EPB41L4A: variants seen among roughly 807,000 people sequenced by gnomAD.
The protein encoded by EPB41L4A is erythrocyte membrane protein band 4.1 like 4A.
In EPB41L4A, 100 loss-of-function variants were observed where a neutral mutation model predicts 108.6. That is an observed-to-expected ratio of 0.92 (90% CI 0.78 to 1.09). The LOEUF is 1.09. Among genes scored for constraint, EPB41L4A ranks in the 50% least tolerant of loss-of-function variants. The pLI, the probability that EPB41L4A is intolerant of heterozygous loss-of-function variation, is 0.00. For synonymous variants in EPB41L4A, 319 were observed against 289.0 expected (o/e 1.10, Z -1.05); for missense variants, 1,030 against 842.7 (o/e 1.22, Z -2.75).
rs1561585385 is a variant in EPB41L4A, at chr5:112,339,511, G to GATATATATATCTATATCTATATCT, written c.100-32022_100-32021insAGATATAGATATAGATATATATAT. Among the ~76,000 whole-genome samples, 9 of 55,186 alleles carry GATATATATATCTATATCTATATCT rather than the reference G, an allele frequency of 1.6e-4. No individual in the cohort carries two copies. In the South Asian group the frequency reaches 0.011, roughly 69 times the overall value. The allele number at this position is 55,186 out of a possible 152,430, so 36.2% of individuals were successfully genotyped here. On this transcript the variant is annotated intron_variant, in intron 1 of 22. Transcript: ENST00000261486. ...ATATATATATCTATATATATATATAGATATATAGATATATATCTATATATA... is the reference window on the plus strand; with the variant it reads ...ATATATATATCTATATATATATATAGATATATATATCTATATCTATATCTATATATAGATATATATCTATATATA...
intron 2 of EPB41L4A, among the ~76,000 whole-genome samples, chr5:112,300,578 G>C (rs1373350020): frequency 6.6e-6 from 1 of 152,086 alleles, no homozygotes; most frequent in Non-Finnish European, 1.5e-5. Context: ...CAGCTACTAA[G>C]ATTCTTTCCC....
At chr5:112,368,759 T>C (rs1759302411) in intron 1 of EPB41L4A, among the ~76,000 whole-genome samples, 1 of 152,146 alleles carries the variant, frequency 6.6e-6, no homozygotes, top group South Asian at 2.1e-4. Flanking sequence ...GCTATTTGCT[T>C]TTCTGGTTCT....
intron 1 of EPB41L4A, among the ~76,000 whole-genome samples, chr5:112,388,987 G>A (rs1054713813): frequency 1.3e-5 from 2 of 152,110 alleles, no homozygotes; most frequent in African/African-American, 4.8e-5. Flanking sequence ...CTCTAAAGCA[G>A]TTGGTTCTTA....
intron 2 of EPB41L4A, among the ~76,000 whole-genome samples, chr5:112,304,965 T>C (rs1754594364): frequency 6.6e-6 from 1 of 152,166 alleles, no homozygotes; most frequent in South Asian, 2.1e-4. Flanking sequence ...CCATTTATAG[T>C]AACTTCTGAA....
intron 2 of EPB41L4A, among the ~76,000 whole-genome samples, chr5:112,282,520 T>C (rs1753030443): frequency 6.6e-6 from 1 of 152,156 alleles, no homozygotes; most frequent in Admixed American, 6.5e-5. Flanking sequence ...GTGTCTTTCT[T>C]TGCTTCAAAT....
chr5:112,313,463 C>T (rs552520101), intron 1 of EPB41L4A, among the ~76,000 whole-genome samples: 5 of 152,202 alleles, frequency 3.3e-5, no homozygotes, highest in South Asian at 4.1e-4. Context: ...TAGTGGCGCG[C>T]GCCTGTAATC....
chr5:112,374,141 G>A (rs1759662387), intron 1 of EPB41L4A, among the ~76,000 whole-genome samples: 1 of 152,194 alleles, frequency 6.6e-6, no homozygotes, highest in African/African-American at 2.4e-5. Context: ...TCAAATGTCA[G>A]AGGCATCCCC....
intron 15 of EPB41L4A, 70 bp from the exon 16 acceptor site, chr5:112,195,778 T>C (rs1471659677): frequency 7.4e-7 from 1 of 1,346,078 alleles, no homozygotes; most frequent in Non-Finnish European, 1.1e-6. Flanking sequence ...CACACCAAAA[T>C]GAGTTTCACT....
At chr5:112,151,802 CTCA>C (rs1263265780) in intron 12 of EPB41L4A, among the ~76,000 whole-genome samples, 3 of 152,004 alleles carry the variant, frequency 2.0e-5, no homozygotes, top group Non-Finnish European at 4.4e-5. Flanking sequence ...ACGATCTCAG[CTCA>C]CTGCAACCTC....
At chr5:112,371,267 T>C (rs1267614096) in intron 1 of EPB41L4A, among the ~76,000 whole-genome samples, 1 of 152,204 alleles carries the variant, frequency 6.6e-6, no homozygotes, top group African/African-American at 2.4e-5. Flanking sequence ...TTAAATATCA[T>C]TATTTACAAA....
chr5:112,364,295 G>C (rs1415506569), intron 1 of EPB41L4A, among the ~76,000 whole-genome samples: 1 of 152,108 alleles, frequency 6.6e-6, no homozygotes, highest in South Asian at 2.1e-4. Flanking sequence ...CTAAGTGCTG[G>C]GATTATAGAC....
At chr5:112,374,494 G>T (rs1346569147) in intron 1 of EPB41L4A, among the ~76,000 whole-genome samples, 1 of 152,126 alleles carries the variant, frequency 6.6e-6, no homozygotes, top group Non-Finnish European at 1.5e-5. Flanking sequence ...AAACACTCTG[G>T]CCCAATCACC....
intron 1 of EPB41L4A, among the ~76,000 whole-genome samples, chr5:112,359,139 T>A (rs561485775): frequency 6.6e-6 from 1 of 152,336 alleles, no homozygotes; most frequent in Non-Finnish European, 1.5e-5. Flanking sequence ...ATGTAAAAAC[T>A]CATTCAGCTA....
At chr5:112,211,786 A>G (rs1762757614) in intron 12 of EPB41L4A, among the ~76,000 whole-genome samples, 1 of 152,186 alleles carries the variant, frequency 6.6e-6, no homozygotes. Flanking sequence ...TTAGACAGAG[A>G]AAACAAAGGG....
intron 1 of EPB41L4A, among the ~76,000 whole-genome samples, chr5:112,317,016 G>C (rs927488997): frequency 1.3e-5 from 2 of 152,200 alleles, no homozygotes; most frequent in African/African-American, 4.8e-5. Context: ...CATCAGTCTT[G>C]CTACACTCTA....
intron 12 of EPB41L4A, among the ~76,000 whole-genome samples, chr5:112,227,736 G>A (rs951168445): frequency 6.6e-6 from 1 of 152,214 alleles, no homozygotes; most frequent in African/African-American, 2.4e-5. Flanking sequence ...GTGCCAATCA[G>A]AGGAAGTGTT....
intron 1 of EPB41L4A, among the ~76,000 whole-genome samples, chr5:112,393,479 T>C (rs920188597): frequency 3.3e-5 from 5 of 152,210 alleles, no homozygotes; most frequent in Admixed American, 2.6e-4. Flanking sequence ...GCAAATAAAC[T>C]AGAAAATCTA....
chr5:112,244,189 G>C (rs1750027073), intron 9 of EPB41L4A, among the ~76,000 whole-genome samples: 1 of 152,164 alleles, frequency 6.6e-6, no homozygotes, highest in Admixed American at 6.5e-5. Flanking sequence ...TTGGAAACTA[G>C]GGAGGCCTAA....
chr5:112,331,810 C>T (rs913639336), intron 1 of EPB41L4A, among the ~76,000 whole-genome samples: 4 of 152,344 alleles, frequency 2.6e-5, no homozygotes, highest in Admixed American at 1.3e-4. Flanking sequence ...CAGCTGGAGG[C>T]TACCAACTCC....
Sources: allele counts gnomAD v4.1 joint callset (sites outside exome capture counted in the v4.1 genomes callset), GRCh38; gene constraint gnomAD v4.1.1; transcripts MANE v1.5; gene names NCBI Gene and HGNC (gene_info 2026-07-23, HGNC 2026-07-21).